RNF10: variants seen among roughly 807,000 people sequenced by gnomAD.
The protein encoded by RNF10 is ring finger protein 10.
In RNF10, 38 loss-of-function variants were observed where a neutral mutation model predicts 91.4. The observed-to-expected ratio is 0.42, with a 90% CI of 0.32 to 0.54. RNF10 has a LOEUF of 0.54. Among genes scored for constraint, RNF10 ranks in the 20% least tolerant of loss-of-function variants. RNF10 has a pLI of 0.16. For synonymous variants in RNF10, 364 were observed against 366.3 expected (o/e 0.99, Z 0.07); for missense variants, 945 against 1,012.0 (o/e 0.93, Z 0.90).
intron 1 of RNF10, among the ~76,000 whole-genome samples, chr12:120,540,582 C>G (rs1302344346): frequency 6.6e-6 from 1 of 152,164 alleles, no homozygotes; most frequent in African/African-American, 2.4e-5. Context: ...CAACCTTTAG[C>G]TGCCTTTTGC....
chr12:120,562,923 G>A, intron 7 of RNF10, 22 bp from the exon 8 acceptor site: 2 of 1,613,544 alleles, frequency 1.2e-6, no homozygotes, highest in Non-Finnish European at 1.7e-6. Context: ...ACCTTCTCTG[G>A]TGTTCTCTCT....
rs530449498 is a variant in RNF10, at chr12:120,562,792, G to T, written c.1129-153G>T. 5.3e-5 allele frequency among the ~76,000 whole-genome samples: 8 copies of T among 152,228 alleles called. No homozygotes were observed. The South Asian group carries it at 1.0e-3, about 20-fold the overall frequency. ...CTTTTTGCTTCCTGTTTCCCTCAAA[G>T]TTGAGATATTTAAGCACCTAATTCC... On this transcript the variant is annotated intron_variant, in intron 7 of 16. Coordinates refer to ENST00000325954, the MANE Select transcript of RNF10 (RefSeq NM_014868.5).
chr12:120,534,879 G>T lies in RNF10; in HGVS notation c.68G>T (p.Ser23Ile). 1 of 1,608,404 alleles carries T rather than the reference G, an allele frequency of 6.2e-7. No homozygotes were observed. Among genetic ancestry groups the T allele is most frequent in the South Asian group, 1.1e-5 (1 of 90,996 alleles). Residue 23 changes from serine to isoleucine, a missense_variant, in exon 1 of 17, where the codon AGC becomes ATC. Ser to Ile is a moderately radical substitution (Grantham distance 142). Transcript: ENST00000325954. ...ATGGACAAGAACAGCGGCTCCAACA[G>T]CTCCTCCGCCTCTTCGGGCAGCAGC... is the stretch of plus-strand genomic sequence containing the variant. Reference protein sequence around the residue: ...SDMDKNSGSNSSSASSGSSKG... With the variant: ...SDMDKNSGSNISSASSGSSKG...
intron 7 of RNF10, among the ~76,000 whole-genome samples, chr12:120,562,197 C>T (rs1438834950): frequency 6.6e-6 from 1 of 151,596 alleles, no homozygotes; most frequent in Non-Finnish European, 1.5e-5. Context: ...TCTATGTGTC[C>T]ATGTTTCATC....
rs761359348 is a variant in RNF10 at position 120,566,950 on chromosome 12, C to T, written c.2011C>T (p.Pro671Ser). Residue 671 changes from proline to serine, a missense_variant, in exon 13 of 17, where the codon CCT becomes TCT. Pro to Ser is a moderately conservative substitution (Grantham distance 74, BLOSUM62 -1). Transcript: ENST00000325954. ...GGGCCATGGGGCCCTCTCCATTTCT[C>T]CTCTCAGCAGAAGTCCAGGTTCCCA... The part of the protein sequence containing the change: ...TEGHGALSIS[P>S]LSRSPGSHAD... The T allele has an allele frequency of 1.9e-6, 3 of 1,609,240 alleles. No homozygotes were observed. Among genetic ancestry groups the T allele is most frequent in the South Asian group, 2.2e-5 (2 of 90,042 alleles).
chr12:120,567,058 G>C (rs890341693), intron 13 of RNF10, 78 bp downstream of exon 13: 3 of 1,413,902 alleles, frequency 2.1e-6, no homozygotes, highest in African/African-American at 1.4e-5. Context: ...TTACAACCCC[G>C]GCCCACTCAG....
chr12:120,572,216 G>A (rs1025470166), intron 14 of RNF10, among the ~76,000 whole-genome samples: 3 of 151,552 alleles, frequency 2.0e-5, no homozygotes, highest in African/African-American at 7.3e-5. Flanking sequence ...ATAGGCGCCT[G>A]CCACCACGCC....
Position 120,563,820 on chromosome 12 carries a change from A to T in RNF10, c.1542A>T (p.Gly514=). 1 of 1,614,066 alleles carries T rather than the reference A, an allele frequency of 6.2e-7. No individual in the cohort carries two copies. Among genetic ancestry groups the T allele is most frequent in the Non-Finnish European group, 8.5e-7 (1 of 1,179,984 alleles). The change falls in exon 10 of 17, where the codon GGA becomes GGT. Residue 514 remains glycine, a synonymous_variant. Transcript: ENST00000325954. ...GCCCCTTGTCCTCAGCGGAAGATGG[A>T]CAGCATATGTTCCTGCACCCTGTGA... ...PCYYFYQAED[G]QHMFLHPVNV...
intron 10 of RNF10, among the ~76,000 whole-genome samples, 182 bp downstream of exon 10, chr12:120,564,125 G>A (rs1005889551): frequency 1.3e-5 from 2 of 152,182 alleles, no homozygotes; most frequent in Admixed American, 1.3e-4. Context: ...GCATGCCAGG[G>A]TTCTGTTAAA....
chr12:120,539,396 G>T (rs972319106), intron 1 of RNF10: 13 of 1,288,620 alleles, frequency 1.0e-5, no homozygotes, highest in Non-Finnish European at 1.3e-5. Flanking sequence ...GATTCAATTT[G>T]TTGTCAGTTG....
rs967218537 is a variant in RNF10 at position 120,560,788 on chromosome 12, G to C, written c.1030G>C (p.Val344Leu). ...CTCTAAGGAGCAGGTGCTGCACCGG[G>C]TAGTTCTGGAGGAGAAAGTAGCACT... ...LASKEQVLHR[V>L]VLEEKVALEQ... The change falls in exon 7 of 17, where the codon GTA becomes CTA. Residue 344 changes from valine (V) to leucine (L), a missense_variant. Transcript: ENST00000325954. 1.2e-6 allele frequency: 2 copies of C among 1,614,200 alleles called. No homozygotes were observed.
intron 14 of RNF10, among the ~76,000 whole-genome samples, chr12:120,572,987 A>G (rs1430902675): frequency 6.6e-6 from 1 of 151,484 alleles, no homozygotes; most frequent in African/African-American, 2.4e-5. Context: ...AGTTGAAAGA[A>G]TAGTATTATG....
intron 1 of RNF10, among the ~76,000 whole-genome samples, chr12:120,540,596 GGTCTAGAGATAAGAGCCA>G (rs1871406720): frequency 6.6e-6 from 1 of 152,000 alleles, no homozygotes; most frequent in South Asian, 2.1e-4. Context: ...CTTTTGCCTG[GGTCTAGAGATAAGAGCCA>G]GTCTCTCACT....
rs34889649 is a variant in RNF10, at chr12:120,556,530, C to CAAAAA, written c.646-729_646-725dup. On this transcript the variant is annotated intron_variant, in intron 4 of 16. Transcript: ENST00000325954. ...TGGGTGACAGAGTGAGACTCCGTCTCAAAAAAAAAAAAAAAAAAAAAAAAA... is the reference window on the plus strand; with the variant it reads ...TGGGTGACAGAGTGAGACTCCGTCTCAAAAAAAAAAAAAAAAAAAAAAAAAAAAAA... Among the ~76,000 whole-genome samples, 88 of 19,222 alleles carry CAAAAA rather than the reference C, an allele frequency of 4.6e-3. 22 individuals carry two copies. The highest frequency in any genetic ancestry group is 0.019 in the African/African-American group (86 of 4,526). 12.6% of individuals were successfully genotyped at this position (19,222 alleles called of 152,430 possible). A position where few individuals can be genotyped will look rare whatever the true frequency, so the allele number is the denominator to read the frequency against.
intron 13 of RNF10, among the ~76,000 whole-genome samples, chr12:120,569,096 A>G (rs56337100): frequency 1.5e-3 from 230 of 152,008 alleles, no homozygotes; most frequent in Non-Finnish European, 2.0e-3. Flanking sequence ...TCAGCCTCCA[A>G]GTAGTTTGGA....
chr12:120,534,377 A>G lies in RNF10; in HGVS notation c.-435A>G, dbSNP rs1200350798. On this transcript the variant is annotated 5_prime_UTR_variant, in exon 1 of 17. Coordinates refer to ENST00000325954, the MANE Select transcript of RNF10 (RefSeq NM_014868.5). ...AGATGCTGTTTGGCGACTCGTCGCC[A>G]TTCCCGGAGCAGGTCGGCCTCGGCC... 3 of 165,402 alleles carry G rather than the reference A, an allele frequency of 1.8e-5. No homozygotes were observed. The highest frequency in any genetic ancestry group is 3.9e-5 in the Non-Finnish European group (3 of 77,644). 10.2% of individuals were successfully genotyped at this position (165,402 alleles called of 1,614,324 possible).
rs77374590 is a variant in RNF10, at chr12:120,546,267, A to T, written c.158-138A>T. Reference sequence around the variant, plus strand: ...ATGTGTTGTCTTGCTCAAAGCACTCATGCTCTGGCCCAAACCCAGATTCCT... The same window carrying T: ...ATGTGTTGTCTTGCTCAAAGCACTCTTGCTCTGGCCCAAACCCAGATTCCT... On this transcript the variant is annotated intron_variant, in intron 1 of 16. Transcript: ENST00000325954. The T allele has an allele frequency of 3.3e-3, 2,271 of 693,702 alleles. 34 individuals are homozygous for T. In the African/African-American group the frequency reaches 0.037, roughly 11 times the overall value. 43.0% of individuals were successfully genotyped at this position (693,702 alleles called of 1,614,324 possible).
chr12:120,547,652 C>T (rs1030267390), intron 2 of RNF10, among the ~76,000 whole-genome samples: 4 of 151,940 alleles, frequency 2.6e-5, no homozygotes, highest in African/African-American at 4.8e-5. Context: ...ATGCAAGGGA[C>T]GGGAGGTGGT....
chr12:120,577,193 T>C lies in RNF10; in HGVS notation c.*527T>C, dbSNP rs1379999095. 1 of 454,700 alleles carries C rather than the reference T, an allele frequency of 2.2e-6. No homozygotes were observed. The highest frequency in any genetic ancestry group is 4.4e-6 in the Non-Finnish European group (1 of 226,256). 28.2% of individuals were successfully genotyped at this position (454,700 alleles called of 1,614,324 possible). A position where few individuals can be genotyped will look rare whatever the true frequency, so the allele number is the denominator to read the frequency against. On this transcript the variant is annotated 3_prime_UTR_variant, in exon 17 of 17. Coordinates refer to ENST00000325954, the MANE Select transcript of RNF10 (RefSeq NM_014868.5). ...CCCAGTTTGAATTGCAGTTTTTTTTTTTCTGACACATGGCCAGGCTGTGGT... is the reference window on the plus strand; with the variant it reads ...CCCAGTTTGAATTGCAGTTTTTTTTCTTCTGACACATGGCCAGGCTGTGGT...
Sources: allele counts gnomAD v4.1 joint callset (sites outside exome capture counted in the v4.1 genomes callset), GRCh38; gene constraint gnomAD v4.1.1; transcripts MANE v1.5; gene names NCBI Gene and HGNC (gene_info 2026-07-23, HGNC 2026-07-21).